The following SHE variants were observed in gnomAD, a reference collection of about 807,000 sequenced individuals.
SHE encodes the protein Src homology 2 domain containing E.
Under a neutral mutation model 49.8 loss-of-function variants are expected in SHE, and 11 were observed. The ratio of observed to expected loss-of-function variants is 0.22; its 90% CI spans 0.14 to 0.37. SHE has a LOEUF of 0.37. Among genes scored for constraint, SHE ranks in the 10% least tolerant of loss-of-function variants. SHE has a pLI of 1.00. For synonymous variants in SHE, 310 were observed against 278.1 expected, an observed-to-expected ratio of 1.11 and a Z score of -1.14; for missense variants, 624 against 655.5, an observed-to-expected ratio of 0.95 and a Z score of 0.52.
intron 1 of SHE, among the ~76,000 whole-genome samples, chr1:154,499,674 C>T (rs1163650401): frequency 6.6e-6 from 1 of 152,118 alleles, no homozygotes; most frequent in African/African-American, 2.4e-5. Flanking sequence ...CAGTCATCCA[C>T]CAGCACTGGC....
At chr1:154,477,728 T>C (rs1044710669), downstream of SHE, among the ~76,000 whole-genome samples, 1 of 151,886 alleles carries the variant, frequency 6.6e-6, no homozygotes, top group Admixed American at 6.6e-5. Flanking sequence ...CCGTTTCTAC[T>C]AACAATACAA....
In SHE at chr1:154,483,616, A is replaced by G; in HGVS notation, c.*533T>C. The G allele has an allele frequency of 2.0e-6, 2 of 985,940 alleles. No individual in the cohort carries two copies. The highest frequency in any genetic ancestry group is 9.4e-5 in the South Asian group (2 of 21,300). 61.1% of individuals were successfully genotyped at this position (985,940 alleles called of 1,614,324 possible). ...TACCCCAGAGCTGGAGGCAACAGCT[A>G]AATCATGATTTCTTATTGTAGAACT... On this transcript the variant is annotated 3_prime_UTR_variant, in exon 6 of 6. Transcript: ENST00000304760.
chr1:154,488,081 T>A (rs1183494987), intron 3 of SHE, among the ~76,000 whole-genome samples: 1 of 150,276 alleles, frequency 6.7e-6, no homozygotes, highest in Non-Finnish European at 1.5e-5. Flanking sequence ...TAGCTGGGAC[T>A]ACAGGTGCGT....
intron 2 of SHE, among the ~76,000 whole-genome samples, chr1:154,495,549 T>C (rs974169448): frequency 6.6e-6 from 1 of 152,094 alleles, no homozygotes; most frequent in Admixed American, 6.6e-5. Flanking sequence ...TCTCTCAGTT[T>C]CCTCTGCCCC....
chr1:154,498,288 G>A (rs1178980878), intron 2 of SHE, among the ~76,000 whole-genome samples: 1 of 151,262 alleles, frequency 6.6e-6, no homozygotes, highest in East Asian at 2.0e-4. Flanking sequence ...TAGAGACAGG[G>A]TTTCTCCATG....
Position 154,489,448 on chromosome 1 carries a change from GCCTCAGCA to G in SHE, c.719-100_719-93del, listed in dbSNP as rs1478019858. ...TAAAAGCCTGGTCATTAACCCAACT[GCCTCAGCA>G]CCTCTGTCTGTCTGGGTGAAGGTGG... is the stretch of plus-strand genomic sequence containing the variant. On this transcript the variant is annotated intron_variant, in intron 2 of 5. Transcript: ENST00000304760. The G allele has an allele frequency of 3.5e-6, 5 of 1,436,602 alleles. No homozygotes were observed. The African/African-American group carries it at 7.1e-5, about 20-fold the overall frequency. The allele number at this position is 1,436,602 out of a possible 1,614,324, so 89.0% of individuals were successfully genotyped here. A position where few individuals can be genotyped will look rare whatever the true frequency, so the allele number is the denominator to read the frequency against.
chr1:154,501,407 A>T, intron 1 of SHE, 29 bp downstream of exon 1: 2 of 1,603,722 alleles, frequency 1.2e-6, no homozygotes, highest in Non-Finnish European at 1.7e-6. Flanking sequence ...TTCGACTGAG[A>T]GGTGGTCCAA....
At position 154,480,693 on chromosome 1, in the gene SHE, G is replaced by T; in HGVS notation, c.*3456C>A. On this transcript the variant is annotated 3_prime_UTR_variant, in exon 6 of 6. Coordinates refer to ENST00000304760, the MANE Select transcript of SHE (RefSeq NM_001010846.3). The stretch of plus-strand genomic sequence containing the variant: ...TTGAATAACTTAAAATGACACTTCT[G>T]CCCCCAACAGAGAGTAGATATATCA... 1.0e-6 allele frequency: 1 copy of T among 985,336 alleles called. No homozygotes were observed. The highest frequency in any genetic ancestry group is 1.2e-6 in the Non-Finnish European group (1 of 829,914). 61.0% of individuals were successfully genotyped at this position (985,336 alleles called of 1,614,324 possible).
At chr1:154,472,505 T>C (rs747559051) in intron 1 of SHE, among the ~76,000 whole-genome samples, 18 of 152,168 alleles carry the variant, frequency 1.2e-4, no homozygotes, top group Non-Finnish European at 1.9e-4. Context: ...GGCTGGACCG[T>C]GAGTTCCACA....
intron 4 of SHE, 40 bp from the exon 5 acceptor site, chr1:154,486,102 G>A (rs370362567): frequency 6.3e-7 from 1 of 1,597,682 alleles, no homozygotes; most frequent in South Asian, 1.1e-5. Flanking sequence ...CACCATGAGT[G>A]TCAAAATACA....
chr1:154,478,978 C>T (rs1389688704), downstream of SHE, among the ~76,000 whole-genome samples: 1 of 152,188 alleles, frequency 6.6e-6, no homozygotes, highest in Non-Finnish European at 1.5e-5. Context: ...TAGGACCTGA[C>T]GTGAATTTAT....
Position 154,496,503 on chromosome 1 carries a change from C to T in SHE, c.718+2609G>A, listed in dbSNP as rs545867726. Among the ~76,000 whole-genome samples, 15 of 152,326 alleles carry T rather than the reference C, an allele frequency of 9.8e-5. No individual in the cohort carries two copies. The South Asian group carries it at 3.1e-3, about 32-fold the overall frequency. On this transcript the variant is annotated intron_variant, in intron 2 of 5. Transcript: ENST00000304760. Reference sequence around the variant, plus strand: ...TTCTTGGTTGAGTGGAAAGGTGCCTCACTTACGGGTGAAGTTTACAGTGGT... The same window carrying T: ...TTCTTGGTTGAGTGGAAAGGTGCCTTACTTACGGGTGAAGTTTACAGTGGT...
chr1:154,491,591 G>A (rs1692367252), intron 2 of SHE, among the ~76,000 whole-genome samples: 1 of 152,182 alleles, frequency 6.6e-6, no homozygotes, highest in Admixed American at 6.5e-5. Context: ...ATGTTGATGT[G>A]TCTGTATTTT....
At chr1:154,491,804 T>G (rs1219432487) in intron 2 of SHE, among the ~76,000 whole-genome samples, 1 of 152,044 alleles carries the variant, frequency 6.6e-6, no homozygotes, top group Non-Finnish European at 1.5e-5. Context: ...GTGAATACTG[T>G]GAGAATGAAA....
In SHE at chr1:154,483,108, T is replaced by C. The variant is rs1419968615; in HGVS notation, c.*1041A>G. On this transcript the variant is annotated 3_prime_UTR_variant, in exon 6 of 6. Coordinates refer to ENST00000304760, the MANE Select transcript of SHE (RefSeq NM_001010846.3). ...GAAATTTTTGTTGTACCTTTTATTC[T>C]ATAATTCAGAATTCTAATAATGATG... is the stretch of plus-strand genomic sequence containing the variant. 2.8e-5 allele frequency: 28 copies of C among 984,908 alleles called. No individual in the cohort carries two copies. The highest frequency in any genetic ancestry group is 6.1e-5 in the Admixed American group (1 of 16,268). The allele number at this position is 984,908 out of a possible 1,614,324, so 61.0% of individuals were successfully genotyped here.
intron 2 of SHE, among the ~76,000 whole-genome samples, chr1:154,496,160 A>T (rs1254022626): frequency 6.6e-6 from 1 of 152,246 alleles, no homozygotes; most frequent in South Asian, 2.1e-4. Flanking sequence ...TAAGAGGTAG[A>T]GTCTCTACAC....
At chr1:154,493,582 T>C (rs1449604224) in intron 2 of SHE, among the ~76,000 whole-genome samples, 1 of 152,214 alleles carries the variant, frequency 6.6e-6, no homozygotes, top group Non-Finnish European at 1.5e-5. Context: ...CTGCACCTAC[T>C]AAAAACATGC....
intron 1 of SHE, among the ~76,000 whole-genome samples, chr1:154,472,387 T>C (rs139286212): frequency 1.0e-3 from 154 of 152,322 alleles, no homozygotes; most frequent in African/African-American, 3.2e-3. Flanking sequence ...ACCCCATTCC[T>C]GGCTTCACCC....
In SHE at chr1:154,470,266, T is replaced by A. The variant is rs548558363; in HGVS notation, c.*75A>T. 1,160 of 1,261,948 alleles carry A rather than the reference T, an allele frequency of 9.2e-4. 1 individual carries two copies. Among genetic ancestry groups the A allele is most frequent in the Non-Finnish European group, 1.1e-3 (1,088 of 963,848 alleles). 78.2% of individuals were successfully genotyped at this position (1,261,948 alleles called of 1,614,324 possible). Reference sequence around the variant, plus strand: ...GGGAGTGGGCACTGGAGCCAGGACGTGGAGGGAGCTGCCTCCCTTTCTTCA... The same window carrying A: ...GGGAGTGGGCACTGGAGCCAGGACGAGGAGGGAGCTGCCTCCCTTTCTTCA... On this transcript the variant is annotated 3_prime_UTR_variant, in exon 2 of 2. Coordinates refer to the SHE transcript ENST00000486773.
Sources: gnomAD v4.1 joint callset for allele counts (sites outside exome capture counted in the v4.1 genomes callset) on GRCh38, gnomAD v4.1.1 for gene constraint, MANE v1.5 for transcripts, NCBI Gene and HGNC (gene_info 2026-07-23, HGNC 2026-07-21) for gene names.